The following BAALC variants were observed in gnomAD, a reference collection of about 807,000 sequenced individuals.
BAALC encodes BAALC binder of MAP3K1 and KLF4.
BAALC carries 9 observed loss-of-function variants against 15.5 expected under a neutral mutation model. The ratio of observed to expected loss-of-function variants is 0.58; its 90% confidence interval spans 0.35 to 1.02. BAALC has a LOEUF of 1.02. BAALC is among the 50% of genes least tolerant of loss of function. The probability of loss-of-function intolerance (pLI) is 0.02; values close to 1 mark genes in which losing one functional copy is unlikely to be tolerated. For synonymous variants in BAALC, 80 were observed against 74.6 expected (o/e 1.07, Z -0.37); for missense variants, 201 against 192.4 (o/e 1.04, Z -0.27).
chr8:103,181,821 A>C lies in BAALC; in HGVS notation c.161-31098A>C, dbSNP rs144812139. ...TGGTGGTGGCACCCACTTAGGTAGC[A>C]GGTGAAAAGTTGGCTTCTTTTAACC... On this transcript the variant is annotated intron_variant, in intron 1 of 2. Transcript: ENST00000309982. Among the ~76,000 whole-genome samples the C allele has an allele frequency of 9.1e-4, 138 of 152,366 alleles. 1 individual carries two copies. Among genetic ancestry groups the C allele is most frequent in the African/African-American group, 3.2e-3 (134 of 41,602 alleles).
At chr8:103,223,699 C>T (rs1469203442) in intron 2 of BAALC, among the ~76,000 whole-genome samples, 1 of 152,130 alleles carries the variant, frequency 6.6e-6, no homozygotes, top group Non-Finnish European at 1.5e-5. Context: ...GCTTGGAAAT[C>T]CAACTACTGG....
intron 1 of BAALC, among the ~76,000 whole-genome samples, chr8:103,154,220 A>G (rs1392234026): frequency 6.6e-6 from 1 of 151,972 alleles, no homozygotes; most frequent in African/African-American, 2.4e-5. Flanking sequence ...TGTTATTTCC[A>G]TTTTACAGAA....
intron 2 of BAALC, among the ~76,000 whole-genome samples, chr8:103,219,241 A>G (rs977798197): frequency 6.6e-6 from 1 of 152,236 alleles, no homozygotes; most frequent in African/African-American, 2.4e-5. Flanking sequence ...CTCTCAGGGC[A>G]GACACTGCCT....
intron 2 of BAALC, among the ~76,000 whole-genome samples, chr8:103,214,050 A>G (rs1302821378): frequency 6.6e-6 from 1 of 152,210 alleles, no homozygotes; most frequent in African/African-American, 2.4e-5. Flanking sequence ...ATGAGGAAAG[A>G]TGATTGGCAG....
rs1812847456 is a variant in BAALC at position 103,228,159 on chromosome 8, C to T, written c.*60C>T. 1 of 1,190,886 alleles carries T rather than the reference C, an allele frequency of 8.4e-7. No homozygotes were observed. The highest frequency in any genetic ancestry group is 1.9e-4 in the Middle Eastern group (1 of 5,224). The allele number at this position is 1,190,886 out of a possible 1,614,324, so 73.8% of individuals were successfully genotyped here. ...TCAGTGTCCTTCACGGCACTGGATCCCATCAAAGAACCTTGAAGAAGTGGC... is the reference window on the plus strand; with the variant it reads ...TCAGTGTCCTTCACGGCACTGGATCTCATCAAAGAACCTTGAAGAAGTGGC... On this transcript the variant is annotated 3_prime_UTR_variant, in exon 3 of 3. Coordinates refer to ENST00000309982, the MANE Select transcript of BAALC (RefSeq NM_024812.3).
intron 1 of BAALC, among the ~76,000 whole-genome samples, chr8:103,151,425 A>G (rs1810983632): frequency 6.6e-6 from 1 of 152,178 alleles, no homozygotes; most frequent in African/African-American, 2.4e-5. Flanking sequence ...CTTATCGAAG[A>G]ATTAATGCAT....
At chr8:103,209,598 G>T (rs1812404471) in intron 1 of BAALC, among the ~76,000 whole-genome samples, 1 of 152,062 alleles carries the variant, frequency 6.6e-6, no homozygotes, top group Non-Finnish European at 1.5e-5. Context: ...AGGCCAAGGG[G>T]ACGTATCTAC....
chr8:103,153,310 G>T (rs770198091), intron 1 of BAALC: 4 of 152,154 alleles, frequency 2.6e-5, no homozygotes, highest in Non-Finnish European at 4.4e-5. Flanking sequence ...AAAGGAATTA[G>T]GTAAGTGAGG....
intron 1 of BAALC, among the ~76,000 whole-genome samples, chr8:103,185,767 T>G (rs1307043329): frequency 6.6e-6 from 1 of 152,230 alleles, no homozygotes; most frequent in Non-Finnish European, 1.5e-5. Flanking sequence ...AGGATTATCA[T>G]CTAGCACTGG....
intron 1 of BAALC, chr8:103,191,489 G>A (rs937966336): frequency 6.6e-6 from 1 of 151,976 alleles, no homozygotes; most frequent in African/African-American, 2.4e-5. Flanking sequence ...ACAAAGAAAT[G>A]GAAACAAAGA....
chr8:103,212,139 G>T (rs114887869), intron 1 of BAALC, among the ~76,000 whole-genome samples: 285 of 152,180 alleles, frequency 1.9e-3, no homozygotes, highest in African/African-American at 6.5e-3. Context: ...TTGAGCTGGA[G>T]CTATTAAAAA....
chr8:103,141,006 C>A lies in BAALC; in HGVS notation c.109C>A (p.Pro37Thr), dbSNP rs1240707018. Residue 37 changes from proline to threonine, a missense_variant, in exon 1 of 3, where the codon CCC (proline) becomes ACC (threonine). Pro to Thr is a conservative substitution (Grantham distance 38). Transcript: ENST00000309982. ...CACCTACACCGACTCGGACGCGCCG[C>A]CCAGCGCCGCCGCCCCGGACAGCGG... ...WLTYTDSDAP[P>T]SAAAPDSGPE... 1.3e-5 allele frequency: 20 copies of A among 1,524,434 alleles called. No homozygotes were observed. The highest frequency in any genetic ancestry group is 1.7e-5 in the Non-Finnish European group (19 of 1,136,546). The allele number at this position is 1,524,434 out of a possible 1,614,324, so 94.4% of individuals were successfully genotyped here.
chr8:103,154,979 C>T (rs1811059713), intron 1 of BAALC, among the ~76,000 whole-genome samples: 1 of 151,214 alleles, frequency 6.6e-6, no homozygotes, highest in African/African-American at 2.4e-5. Context: ...TCCATGTACC[C>T]ATCATCAGCT....
At chr8:103,141,235 G>A (rs956846523) in intron 1 of BAALC, 178 bp downstream of exon 1, 33 of 665,654 alleles carry the variant, frequency 5.0e-5, no homozygotes, top group Non-Finnish European at 7.2e-5. Flanking sequence ...AGGGAGTGGG[G>A]TCGACCAGAG....
At chr8:103,188,611 G>A (rs559259315) in intron 1 of BAALC, among the ~76,000 whole-genome samples, 5 of 152,192 alleles carry the variant, frequency 3.3e-5, no homozygotes, top group Non-Finnish European at 7.4e-5. Context: ...TGGAGCAGAG[G>A]GGCTCAGAAA....
chr8:103,227,289 C>T (rs925873924), intron 2 of BAALC, among the ~76,000 whole-genome samples: 9 of 152,190 alleles, frequency 5.9e-5, no homozygotes, highest in Non-Finnish European at 8.8e-5. Flanking sequence ...CCCAAACTCA[C>T]TATGGAAAGG....
intron 1 of BAALC, among the ~76,000 whole-genome samples, chr8:103,145,773 C>A (rs185566910): frequency 1.3e-5 from 2 of 152,322 alleles, no homozygotes; most frequent in East Asian, 1.9e-4. Flanking sequence ...GTGACTAGAA[C>A]GTAGGTGGCG....
chr8:103,179,012 G>T (rs1219144458), intron 1 of BAALC, among the ~76,000 whole-genome samples: 1 of 152,092 alleles, frequency 6.6e-6, no homozygotes, highest in Non-Finnish European at 1.5e-5. Context: ...ACATCCTAAA[G>T]GACAAAACAA....
intron 1 of BAALC, among the ~76,000 whole-genome samples, chr8:103,170,968 G>C (rs1278252741): frequency 6.6e-6 from 1 of 152,136 alleles, no homozygotes; most frequent in African/African-American, 2.4e-5. Flanking sequence ...CTATAAAATT[G>C]TCATGGTACA....
Sources: allele counts gnomAD v4.1 joint callset (sites outside exome capture counted in the v4.1 genomes callset), GRCh38; gene constraint gnomAD v4.1.1; transcripts MANE v1.5; gene names NCBI Gene and HGNC (gene_info 2026-07-23, HGNC 2026-07-21).